Variants in CDH18 observed in about 807,000 individuals in gnomAD.
CDH18 encodes cadherin 18.
Under a neutral mutation model 67.9 loss-of-function variants are expected in CDH18, and 31 were observed. The ratio of observed to expected loss-of-function variants is 0.46; its 90% CI spans 0.34 to 0.62. CDH18 has a LOEUF of 0.62. Among genes scored for constraint, CDH18 ranks in the 20% least tolerant of loss-of-function variants. The pLI is 0.01. For missense variants in CDH18, 890 were observed against 975.5 expected (o/e 0.91, Z 1.17); for synonymous variants, 362 against 347.2 (o/e 1.04, Z -0.48).
rs1414169472 is a variant in CDH18 at position 20,233,466 on chromosome 5, CAGTT to C, written c.-518+21974_-518+21977del. Among the ~76,000 whole-genome samples the C allele has an allele frequency of 3.3e-5, 5 of 151,764 alleles. No individual in the cohort carries two copies. In the East Asian group the frequency reaches 5.8e-4, roughly 18 times the overall value. ...GATAGTCTATATTGACAGATACAGT[CAGTT>C]AGCACTATAAATAATATTCTATTTT... is the stretch of plus-strand genomic sequence containing the variant. On this transcript the variant is annotated intron_variant, in intron 2 of 14. Coordinates refer to the CDH18 transcript ENST00000507958.
At chr5:20,512,174 G>T (rs1044595869) in intron 1 of CDH18, among the ~76,000 whole-genome samples, 2 of 152,112 alleles carry the variant, frequency 1.3e-5, no homozygotes, top group African/African-American at 2.4e-5. Context: ...AGTAGGCCGA[G>T]ATCAGGCAAA....
At chr5:20,403,147 C>A (rs1479618795) in intron 1 of CDH18, among the ~76,000 whole-genome samples, 1 of 152,118 alleles carries the variant, frequency 6.6e-6, no homozygotes, top group East Asian at 1.9e-4. Context: ...AACTCCTCAC[C>A]TATTTGTTTT....
chr5:19,942,480 C>T (rs796896771), intron 2 of CDH18, among the ~76,000 whole-genome samples: 33 of 152,238 alleles, frequency 2.2e-4, no homozygotes, highest in African/African-American at 7.7e-4. Flanking sequence ...GAGCGATATT[C>T]CTATAAAATA....
At chr5:20,506,223 G>A (rs1754649173) in intron 1 of CDH18, among the ~76,000 whole-genome samples, 1 of 152,176 alleles carries the variant, frequency 6.6e-6, no homozygotes, top group African/African-American at 2.4e-5. Context: ...ACCCTTGTAT[G>A]AAGCCCTCAG....
intron 2 of CDH18, among the ~76,000 whole-genome samples, chr5:20,124,333 A>G (rs545348322): frequency 6.6e-6 from 1 of 152,320 alleles, no homozygotes; most frequent in Non-Finnish European, 1.5e-5. Context: ...TCTGAAGAGA[A>G]AGAATCGCGC....
At chr5:19,780,555 C>T (rs1774994902) in intron 3 of CDH18, among the ~76,000 whole-genome samples, 1 of 152,060 alleles carries the variant, frequency 6.6e-6, no homozygotes, top group Non-Finnish European at 1.5e-5. Flanking sequence ...AAATCCTTTA[C>T]ACTGCTTCTA....
rs75360984 is a variant in CDH18, at chr5:19,510,757, T to C, written c.1513-7648A>G. 6.5e-3 allele frequency among the ~76,000 whole-genome samples: 992 copies of C among 151,878 alleles called. 9 individuals carry two copies. The highest frequency in any genetic ancestry group is 0.022 in the African/African-American group (925 of 41,406). ...AGACCAGGTGGAGGTAATTGGATCA[T>C]GAGGGTGGCTTTCCCCTATGCTGTT... On this transcript the variant is annotated intron_variant, in intron 10 of 12. Transcript: ENST00000382275.
At chr5:20,406,083 G>T (rs1337294968) in intron 1 of CDH18, among the ~76,000 whole-genome samples, 2 of 152,140 alleles carry the variant, frequency 1.3e-5, no homozygotes, top group African/African-American at 4.8e-5. Flanking sequence ...CCATTACTGG[G>T]TATATACCCA....
At chr5:19,482,635 A>G (rs538620825) in intron 12 of CDH18, among the ~76,000 whole-genome samples, 3 of 152,084 alleles carry the variant, frequency 2.0e-5, no homozygotes, top group East Asian at 1.9e-4. Context: ...AAGGTGTGCA[A>G]CATGATGATG....
chr5:20,277,971 G>A (rs1745930899), intron 1 of CDH18, among the ~76,000 whole-genome samples: 2 of 152,034 alleles, frequency 1.3e-5, no homozygotes, highest in African/African-American at 2.4e-5. Flanking sequence ...ACAGTCGGAG[G>A]AGAAAAATGC....
chr5:19,875,216 C>G (rs929647334), intron 2 of CDH18, among the ~76,000 whole-genome samples: 4 of 152,072 alleles, frequency 2.6e-5, no homozygotes, highest in African/African-American at 9.7e-5. Context: ...AGTAATTAAG[C>G]GTTTGATATT....
At chr5:19,907,453 T>G (rs1579532908) in intron 2 of CDH18, among the ~76,000 whole-genome samples, 1 of 152,030 alleles carries the variant, frequency 6.6e-6, no homozygotes, top group South Asian at 2.1e-4. Flanking sequence ...GTTAATTTAA[T>G]ACAACATTGG....
intron 4 of CDH18, among the ~76,000 whole-genome samples, chr5:19,721,925 TTAAATTA>T (rs552370331): frequency 5.1e-4 from 78 of 152,208 alleles, no homozygotes; most frequent in Non-Finnish European, 8.4e-4. Context: ...TGAGTTGATA[TTAAATTA>T]TCAATGACAT....
intron 1 of CDH18, among the ~76,000 whole-genome samples, chr5:20,511,531 A>C (rs957518987): frequency 3.3e-5 from 5 of 152,186 alleles, no homozygotes; most frequent in African/African-American, 1.2e-4. Flanking sequence ...TTCAGTGGAG[A>C]TTAAAAGTGA....
intron 1 of CDH18, among the ~76,000 whole-genome samples, chr5:20,273,582 G>A (rs1398233177): frequency 6.6e-6 from 1 of 151,908 alleles, no homozygotes; most frequent in Non-Finnish European, 1.5e-5. Context: ...GTTTAGTGTG[G>A]CATCTAGGTT....
At position 19,838,927 on chromosome 5, in the gene CDH18, C is replaced by T. The variant is rs1360992988; in HGVS notation, c.60G>A (p.Gln20=). ...TGTGGTGAGCAGTTCCATAACACCT[C>T]TGCACAAAACAGAGACACACTAGGA... ...CPVLVCLCFV[Q]RCYGTAHHSS... The change falls in exon 3 of 13, where the codon CAG becomes CAA. Residue 20 remains glutamine (Q), a synonymous_variant. Transcript: ENST00000382275. 6.2e-7 allele frequency: 1 copy of T among 1,614,096 alleles called. No individual in the cohort carries two copies. The highest frequency in any genetic ancestry group is 8.5e-7 in the Non-Finnish European group (1 of 1,179,974).
chr5:19,744,549 A>T (rs1769715700), intron 4 of CDH18, among the ~76,000 whole-genome samples: 1 of 148,450 alleles, frequency 6.7e-6, no homozygotes, highest in Non-Finnish European at 1.5e-5. Context: ...CATCTATTCC[A>T]GAGTTCACTG....
chr5:20,068,986 C>T lies in CDH18; in HGVS notation c.-517-76972G>A, dbSNP rs1028380513. Among the ~76,000 whole-genome samples the T allele has an allele frequency of 2.0e-5, 3 of 151,852 alleles. No individual in the cohort carries two copies. In the South Asian group the frequency reaches 6.2e-4, roughly 32 times the overall value. On this transcript the variant is annotated intron_variant, in intron 2 of 14. Transcript: ENST00000507958. ...GGACGTCACGCTGAAATTTTTTTGC[C>T]CTTCTAATTCACCTCAACTCTAACA...
chr5:20,565,010 C>G lies in CDH18; in HGVS notation c.-580+10452G>C, dbSNP rs529259920. ...ACCAGAAATTAGCACCACTTCAAAGCTAGTGAGTACATTTTAAAAATTGAC... is the reference window on the plus strand; with the variant it reads ...ACCAGAAATTAGCACCACTTCAAAGGTAGTGAGTACATTTTAAAAATTGAC... On this transcript the variant is annotated intron_variant, in intron 1 of 14. Transcript: ENST00000507958. Among the ~76,000 whole-genome samples the G allele has an allele frequency of 2.6e-5, 4 of 152,314 alleles. No individual in the cohort carries two copies. The South Asian group carries it at 8.3e-4, about 32-fold the overall frequency.
Sources: gnomAD v4.1 joint callset for allele counts (sites outside exome capture counted in the v4.1 genomes callset) on GRCh38, gnomAD v4.1.1 for gene constraint, MANE v1.5 for transcripts, NCBI Gene and HGNC (gene_info 2026-07-23, HGNC 2026-07-21) for gene names.